TSPAN9: variants seen among roughly 807,000 people sequenced by gnomAD.
The protein encoded by TSPAN9 is tetraspanin 9, also known as tetraspanin-9.
TSPAN9 carries 16 observed loss-of-function variants against 31.0 expected under a neutral mutation model. The observed-to-expected ratio is 0.52, with a 90% confidence interval of 0.35 to 0.78. TSPAN9 has a LOEUF of 0.78. TSPAN9 is among the 30% of genes least tolerant of loss of function. The pLI, the probability that TSPAN9 is intolerant of heterozygous loss-of-function variation, is 0.01. For missense variants in TSPAN9, 272 were observed against 312.5 expected (o/e 0.87, Z 0.98); for synonymous variants, 145 against 121.6 (o/e 1.19, Z -1.27).
At chr12:3,254,466 C>T (rs977801752) in intron 3 of TSPAN9, among the ~76,000 whole-genome samples, 1 of 152,210 alleles carries the variant, frequency 6.6e-6, no homozygotes, top group Non-Finnish European at 1.5e-5. Context: ...GCACCTTCTA[C>T]ACCAACCTTG....
chr12:3,112,126 T>G (rs910515338), intron 2 of TSPAN9, among the ~76,000 whole-genome samples: 9 of 151,928 alleles, frequency 5.9e-5, no homozygotes, highest in African/African-American at 2.2e-4. Flanking sequence ...TAGTTGCTAT[T>G]AGTAGTCTCT....
chr12:3,093,570 G>T (rs1201720216), intron 2 of TSPAN9, among the ~76,000 whole-genome samples: 1 of 152,162 alleles, frequency 6.6e-6, no homozygotes, highest in Admixed American at 6.5e-5. Flanking sequence ...AGGGAACAGA[G>T]GGCAGATCGA....
At chr12:3,270,703 C>T (rs1250453136) in intron 3 of TSPAN9, among the ~76,000 whole-genome samples, 1 of 152,262 alleles carries the variant, frequency 6.6e-6, no homozygotes, top group Non-Finnish European at 1.5e-5. Flanking sequence ...TTTATCCCAC[C>T]ACGCAGGGCC....
At chr12:3,130,755 C>T (rs7312730) in intron 2 of TSPAN9, among the ~76,000 whole-genome samples, 82,435 of 152,104 alleles carry the variant, frequency 0.54, 23,531 homozygotes, top group Admixed American at 0.63. Context: ...CTGGCACACA[C>T]GGCCGTGCTC....
intron 2 of TSPAN9, among the ~76,000 whole-genome samples, chr12:3,175,234 G>T (rs1344311678): frequency 6.6e-6 from 1 of 152,198 alleles, no homozygotes; most frequent in Non-Finnish European, 1.5e-5. Flanking sequence ...ACCAGAACTG[G>T]GAGGGAGAAG....
chr12:3,226,780 A>AT (rs1565622632), intron 3 of TSPAN9, among the ~76,000 whole-genome samples: 1 of 2,114 alleles, frequency 4.7e-4, no homozygotes, highest in Non-Finnish European at 8.5e-4. Context: ...ATATATATAT[A>AT]TATATATATA....
chr12:3,191,212 A>G (rs761359510), intron 2 of TSPAN9, among the ~76,000 whole-genome samples: 30 of 152,068 alleles, frequency 2.0e-4, no homozygotes, highest in Non-Finnish European at 3.8e-4. Context: ...AGTTGCTGAG[A>G]GGAGTGGGGT....
chr12:3,281,641 G>A, intron 7 of TSPAN9, 93 bp from the exon 8 acceptor site: 3 of 1,415,722 alleles, frequency 2.1e-6, no homozygotes, highest in Non-Finnish European at 2.9e-6. Context: ...GTAAGAGCGA[G>A]GACGAGGTGG....
intron 2 of TSPAN9, among the ~76,000 whole-genome samples, chr12:3,112,907 C>T (rs1247736537): frequency 6.6e-6 from 1 of 152,042 alleles, no homozygotes; most frequent in African/African-American, 2.4e-5. Flanking sequence ...TCTCGAACTC[C>T]TGGCTCCTGC....
At chr12:3,253,110 C>T (rs997418994) in intron 3 of TSPAN9, among the ~76,000 whole-genome samples, 1 of 152,064 alleles carries the variant, frequency 6.6e-6, no homozygotes, top group Non-Finnish European at 1.5e-5. Context: ...CCTGTGTCCT[C>T]GGGGGTGGTG....
At chr12:3,278,968 C>T in intron 4 of TSPAN9, 24 bp from the exon 5 acceptor site, 11 of 1,613,006 alleles carry the variant, frequency 6.8e-6, no homozygotes, top group Non-Finnish European at 9.3e-6. Context: ...ACCACCTACC[C>T]ATGCCTGGCC....
At position 3,189,023 on chromosome 12, in the gene TSPAN9, C is replaced by T. The variant is rs147128210; in HGVS notation, c.-17-12154C>T. Among the ~76,000 whole-genome samples, 582 of 152,306 alleles carry T rather than the reference C, an allele frequency of 3.8e-3. 6 individuals carry two copies. The highest frequency in any genetic ancestry group is 0.014 in the African/African-American group (561 of 41,552). ...CAGAGGAGCGCGGGTGAGCTCTCCC[C>T]GCTTGGAGCTTCTAGTCTTGTACAA... is the stretch of plus-strand genomic sequence containing the variant. On this transcript the variant is annotated intron_variant, in intron 2 of 8. Coordinates refer to ENST00000011898, the MANE Select transcript of TSPAN9 (RefSeq NM_006675.5).
chr12:3,205,727 C>A (rs569336569), intron 3 of TSPAN9, among the ~76,000 whole-genome samples: 2 of 37,980 alleles, frequency 5.3e-5, no homozygotes, highest in South Asian at 1.3e-3. Context: ...GGCCCCCCCC[C>A]CCCAGAGTGC....
intron 2 of TSPAN9, among the ~76,000 whole-genome samples, chr12:3,180,962 G>A (rs1338615523): frequency 6.6e-6 from 1 of 151,906 alleles, no homozygotes; most frequent in Non-Finnish European, 1.5e-5. Flanking sequence ...CGGCTCAGAT[G>A]TAGGAGTTCA....
chr12:3,135,528 C>T (rs1460728811), intron 2 of TSPAN9, among the ~76,000 whole-genome samples: 1 of 152,184 alleles, frequency 6.6e-6, no homozygotes, highest in African/African-American at 2.4e-5. Flanking sequence ...CTAGGTTCTG[C>T]CTCAGCCAGC....
At chr12:3,163,051 C>A (rs189549032) in intron 2 of TSPAN9, among the ~76,000 whole-genome samples, 1 of 152,186 alleles carries the variant, frequency 6.6e-6, no homozygotes, top group Non-Finnish European at 1.5e-5. Flanking sequence ...TATTCCCATC[C>A]CCTTCCATGG....
chr12:3,145,884 G>A (rs1170434118), intron 2 of TSPAN9, among the ~76,000 whole-genome samples: 1 of 152,230 alleles, frequency 6.6e-6, no homozygotes, highest in Non-Finnish European at 1.5e-5. Context: ...CACCTGTGGT[G>A]GGTTTCATTA....
intron 3 of TSPAN9, among the ~76,000 whole-genome samples, chr12:3,256,940 A>G (rs765553280): frequency 9.2e-5 from 14 of 152,152 alleles, no homozygotes; most frequent in Non-Finnish European, 1.9e-4. Context: ...CCTGGGGAGT[A>G]GCTTAGATCC....
chr12:3,247,705 G>C (rs1463278620), intron 3 of TSPAN9, among the ~76,000 whole-genome samples: 1 of 152,186 alleles, frequency 6.6e-6, no homozygotes, highest in African/African-American at 2.4e-5. Context: ...ATCTCGGTCA[G>C]CCTCCTCCAT....
Sources: gnomAD v4.1 joint callset for allele counts (sites outside exome capture counted in the v4.1 genomes callset) on GRCh38, gnomAD v4.1.1 for gene constraint, MANE v1.5 for transcripts, NCBI Gene and HGNC (gene_info 2026-07-23, HGNC 2026-07-21) for gene names.